CLNK: variants seen among roughly 807,000 people sequenced by gnomAD.
CLNK encodes cytokine dependent hematopoietic cell linker.
In CLNK, 74 loss-of-function variants were observed where a neutral mutation model predicts 68.6. That is an observed-to-expected ratio of 1.08 (90% CI 0.89 to 1.31). The LOEUF (loss-of-function observed/expected upper bound fraction) is 1.31, where lower values mean the gene tolerates loss of function less well. Among genes scored for constraint, CLNK ranks in the 50% most tolerant of loss-of-function variants. The pLI, the probability that CLNK is intolerant of heterozygous loss-of-function variation, is 0.00. For synonymous variants in CLNK, 198 were observed against 172.2 expected (o/e 1.15, Z -1.17); for missense variants, 553 against 515.3 (o/e 1.07, Z -0.71).
chr4:10,602,431 T>C (rs1721619119), intron 2 of CLNK, among the ~76,000 whole-genome samples: 1 of 152,160 alleles, frequency 6.6e-6, no homozygotes, highest in African/African-American at 2.4e-5. Flanking sequence ...GCTCTAAATC[T>C]TGGGTTAAAG....
chr4:10,632,841 A>C (rs1309309228), intron 2 of CLNK, among the ~76,000 whole-genome samples: 1 of 152,254 alleles, frequency 6.6e-6, no homozygotes, highest in Non-Finnish European at 1.5e-5. Context: ...TAGGAACTAA[A>C]TACTATTTAA....
chr4:10,664,105 T>C (rs1050430946), intron 2 of CLNK, among the ~76,000 whole-genome samples: 2 of 152,124 alleles, frequency 1.3e-5, no homozygotes, highest in Non-Finnish European at 2.9e-5. Context: ...AAGGAATTAG[T>C]CATAGTTACA....
At chr4:10,587,538 C>G (rs1577148960) in intron 3 of CLNK, among the ~76,000 whole-genome samples, 1 of 152,146 alleles carries the variant, frequency 6.6e-6, no homozygotes, top group African/African-American at 2.4e-5. Context: ...TTTATGAGGT[C>G]TCTTCGGTGT....
At chr4:10,662,531 A>G (rs1237537817) in intron 2 of CLNK, among the ~76,000 whole-genome samples, 1 of 152,144 alleles carries the variant, frequency 6.6e-6, no homozygotes, top group African/African-American at 2.4e-5. Flanking sequence ...AGCTACAAAA[A>G]CCTTTCAGTA....
In CLNK at chr4:10,605,384, C is replaced by T. The variant is rs148835649; in HGVS notation, c.12-7335G>A. 3.3e-3 allele frequency among the ~76,000 whole-genome samples: 496 copies of T among 152,158 alleles called. 1 individual carries two copies. The highest frequency in any genetic ancestry group is 5.2e-3 in the Admixed American group (79 of 15,276). On this transcript the variant is annotated intron_variant, in intron 2 of 18. Coordinates refer to ENST00000226951, the MANE Select transcript of CLNK (RefSeq NM_052964.4). ...GAACCTACTACACACCCAGGTGATA[C>T]GGTATAGCCTATTGCTCCTAGGCTA...
chr4:10,536,595 T>G (rs1228188400), intron 11 of CLNK, among the ~76,000 whole-genome samples: 1 of 152,166 alleles, frequency 6.6e-6, no homozygotes, highest in African/African-American at 2.4e-5. Flanking sequence ...AGGTGCCCAG[T>G]GAGTATGGAA....
intron 18 of CLNK, among the ~76,000 whole-genome samples, chr4:10,499,526 C>T (rs571321448): frequency 2.9e-4 from 44 of 152,284 alleles, no homozygotes; most frequent in East Asian, 1.7e-3. Context: ...ATGCAGCCTG[C>T]GCATCGATTT....
the CLNK span, among the ~76,000 whole-genome samples, chr4:10,699,268 C>CACACAT: frequency 6.2e-5 from 2 of 32,380 alleles, no homozygotes; most frequent in African/African-American, 8.3e-5. Context: ...TGTGTATACA[C>CACACAT]ACACACACAC....
Position 10,571,730 on chromosome 4 carries a change from A to T in CLNK, c.150+11T>A, listed in dbSNP as rs751769857. On this transcript the variant is annotated intron_variant, in intron 5 of 18. Transcript: ENST00000226951. Reference sequence around the variant, plus strand: ...GACGTATAAAATAGATAAGGGAAGCAGCTGACTTACCCAGTCTAGAAGAGG... The same window carrying T: ...GACGTATAAAATAGATAAGGGAAGCTGCTGACTTACCCAGTCTAGAAGAGG... 1 of 1,607,500 alleles carries T rather than the reference A, an allele frequency of 6.2e-7. No individual in the cohort carries two copies. The highest frequency in any genetic ancestry group is 8.5e-7 in the Non-Finnish European group (1 of 1,174,356).
chr4:10,534,234 G>T (rs964601695), intron 11 of CLNK, among the ~76,000 whole-genome samples: 1 of 152,188 alleles, frequency 6.6e-6, no homozygotes, highest in Non-Finnish European at 1.5e-5. Context: ...AATTTTCACT[G>T]AGAACCCAAG....
intron 1 of CLNK, among the ~76,000 whole-genome samples, chr4:10,681,450 CT>C (rs1286320818): frequency 6.6e-6 from 1 of 152,170 alleles, no homozygotes; most frequent in Non-Finnish European, 1.5e-5. Context: ...GAACCTACCA[CT>C]GTTAAAGATT....
chr4:10,517,780 G>GA (rs554370945), intron 15 of CLNK, among the ~76,000 whole-genome samples: 1 of 152,140 alleles, frequency 6.6e-6, no homozygotes, highest in South Asian at 2.1e-4. Flanking sequence ...AGTCCTCCTT[G>GA]AAAAAGAGCA....
chr4:10,695,396 G>C, the CLNK span, among the ~76,000 whole-genome samples: 2 of 152,118 alleles, frequency 1.3e-5, no homozygotes, highest in Non-Finnish European at 2.9e-5. Flanking sequence ...ATGAATAAAA[G>C]GAAGGAGATT....
chr4:10,491,170 A>C (rs1043134795), intron 18 of CLNK, among the ~76,000 whole-genome samples: 1 of 152,382 alleles, frequency 6.6e-6, no homozygotes, highest in African/African-American at 2.4e-5. Flanking sequence ...GCCCTATGGC[A>C]GCTCTTTAAA....
the CLNK span, among the ~76,000 whole-genome samples, chr4:10,701,004 G>A: frequency 2.6e-5 from 4 of 152,176 alleles, no homozygotes; most frequent in Non-Finnish European, 2.9e-5. Flanking sequence ...CGTGATCACC[G>A]TCTGCACCCG....
chr4:10,558,361 G>T (rs774282558), intron 8 of CLNK, 46 bp downstream of exon 8: 4 of 1,539,012 alleles, frequency 2.6e-6, no homozygotes, highest in Non-Finnish European at 3.6e-6. Flanking sequence ...AAGCAAAATA[G>T]ATGTTTTCAT....
chr4:10,707,402 C>A, the CLNK span, among the ~76,000 whole-genome samples: 2 of 152,196 alleles, frequency 1.3e-5, no homozygotes, highest in Admixed American at 1.3e-4. Flanking sequence ...ATCTTTGAAT[C>A]CATCAATTTC....
the CLNK span, among the ~76,000 whole-genome samples, chr4:10,700,920 A>G: frequency 2.0e-5 from 3 of 152,218 alleles, no homozygotes; most frequent in African/African-American, 7.2e-5. Context: ...TTTTGTATTC[A>G]AAAATAAAAT....
chr4:10,664,850 G>T (rs924113813), intron 2 of CLNK, among the ~76,000 whole-genome samples: 2 of 152,204 alleles, frequency 1.3e-5, no homozygotes, highest in Non-Finnish European at 2.9e-5. Context: ...TTTGTGTGGT[G>T]CCAGCTTATG....
Sources: gnomAD v4.1 joint callset for allele counts (sites outside exome capture counted in the v4.1 genomes callset) on GRCh38, gnomAD v4.1.1 for gene constraint, MANE v1.5 for transcripts, NCBI Gene and HGNC (gene_info 2026-07-23, HGNC 2026-07-21) for gene names.